Variants in DMD observed in about 807,000 individuals in gnomAD.
DMD encodes the protein dystrophin, also known as mutant dystrophin.
In DMD, 63 loss-of-function variants were observed where a neutral mutation model predicts 330.1. That is an observed-to-expected ratio of 0.19 (90% confidence interval 0.16 to 0.24). The LOEUF (loss-of-function observed/expected upper bound fraction) is 0.24, where lower values mean the gene tolerates loss of function less well. Among genes scored for constraint, DMD ranks in the 10% least tolerant of loss-of-function variants. The pLI is 1.00. For synonymous variants in DMD, 1,223 were observed against 959.8 expected (o/e 1.27, Z -5.07); for missense variants, 3,344 against 2,684.1 (o/e 1.25, Z -5.43).
chrX:32,426,005 C>G (rs2098211371), intron 29 of DMD, among the ~76,000 whole-genome samples: 1 of 111,658 alleles, frequency 9.0e-6, no homozygotes, highest in Admixed American at 9.5e-5. Flanking sequence ...CTTAAAATGT[C>G]AAAGCAAAAC....
intron 1 of DMD, among the ~76,000 whole-genome samples, chrX:33,057,309 T>C (rs2094529595): frequency 8.9e-6 from 1 of 111,962 alleles, no homozygotes; most frequent in Non-Finnish European, 1.9e-5. Context: ...CATCCACTGA[T>C]AGGCAATGGA....
At chrX:31,618,859 C>A (rs770260791) in intron 55 of DMD, among the ~76,000 whole-genome samples, 1 of 110,880 alleles carries the variant, frequency 9.0e-6, no homozygotes, top group Non-Finnish European at 1.9e-5. Context: ...AATCCAAAAT[C>A]TGAAAAAATC....
At chrX:31,916,938 C>T (rs2094615594) in intron 47 of DMD, among the ~76,000 whole-genome samples, 2 of 112,219 alleles carry the variant, frequency 1.8e-5, no homozygotes, top group South Asian at 3.7e-4. Context: ...CTTCTGTGGT[C>T]GGATGAATGT....
chrX:32,539,213 A>G (rs1420627944), intron 17 of DMD, among the ~76,000 whole-genome samples: 2 of 108,050 alleles, frequency 1.9e-5, no homozygotes, highest in Non-Finnish European at 3.8e-5. Context: ...TCTAAAGCGA[A>G]ATTTGAATTT....
At chrX:32,583,155 A>G (rs1448661600) in intron 13 of DMD, among the ~76,000 whole-genome samples, 1 of 112,147 alleles carries the variant, frequency 8.9e-6, no homozygotes, top group Non-Finnish European at 1.9e-5. Flanking sequence ...AGTCTTGAAT[A>G]AAGTCTTTCT....
chrX:32,923,609 T>C (rs1045968165), intron 2 of DMD, among the ~76,000 whole-genome samples: 4 of 111,332 alleles, frequency 3.6e-5, no homozygotes, highest in Non-Finnish European at 7.5e-5. Flanking sequence ...TGCTTTGCTA[T>C]AGGTGTTAAC....
intron 44 of DMD, among the ~76,000 whole-genome samples, chrX:32,137,616 T>G (rs775969374): frequency 7.3e-4 from 79 of 107,900 alleles, no homozygotes; most frequent in African/African-American, 2.6e-3. Context: ...GAAAGTATAG[T>G]TTTTTTTTTC....
intron 1 of DMD, among the ~76,000 whole-genome samples, chrX:33,216,946 G>A (rs1311238926): frequency 9.0e-6 from 1 of 111,436 alleles, no homozygotes; most frequent in Non-Finnish European, 1.9e-5. Context: ...TGGAAGTGCA[G>A]GGTCATTTTC....
chrX:33,023,618 T>A (rs5927128), intron 1 of DMD, among the ~76,000 whole-genome samples: 2 of 110,620 alleles, frequency 1.8e-5, no homozygotes, highest in Non-Finnish European at 3.8e-5. Context: ...ATTTATTCTG[T>A]ATGTTCCTAT....
intron 1 of DMD, among the ~76,000 whole-genome samples, chrX:33,187,282 G>A (rs1420249813): frequency 8.9e-6 from 1 of 112,267 alleles, no homozygotes; most frequent in Admixed American, 9.5e-5. Context: ...TAAACAATTT[G>A]CCCAACATTG....
At chrX:32,440,557 T>G (rs1229873466) in intron 28 of DMD, among the ~76,000 whole-genome samples, 4 of 111,534 alleles carry the variant, frequency 3.6e-5, no homozygotes, top group Non-Finnish European at 7.6e-5. Context: ...TACATATAGA[T>G]AAGTCAAAAG....
intron 67 of DMD, among the ~76,000 whole-genome samples, chrX:31,191,355 T>C (rs1468908777): frequency 2.7e-5 from 3 of 112,054 alleles, no homozygotes; most frequent in Non-Finnish European, 3.8e-5. Context: ...TGGAAAACAT[T>C]GTGGGCAAAC....
intron 62 of DMD, among the ~76,000 whole-genome samples, chrX:31,263,901 A>C (rs1031421900): frequency 1.1e-4 from 12 of 112,448 alleles, no homozygotes; most frequent in Admixed American, 1.0e-3. Context: ...TTGGCAACGT[A>C]GCCAAAAAAC....
intron 63 of DMD, among the ~76,000 whole-genome samples, chrX:31,249,304 C>T (rs932594907): frequency 1.8e-5 from 2 of 111,201 alleles, no homozygotes; most frequent in African/African-American, 6.6e-5. Flanking sequence ...TGCAGTGGTG[C>T]GATCTTGGCT....
At chrX:32,777,277 T>TGGGGGGG (rs546914107) in intron 7 of DMD, among the ~76,000 whole-genome samples, 1 of 2,113 alleles carries the variant, frequency 4.7e-4, no homozygotes, top group Non-Finnish European at 7.0e-4. Context: ...GGTTTCTGGT[T>TGGGGGGG]GGGGGGGGAA....
chrX:32,262,438 T>C (rs1459408039), intron 43 of DMD, among the ~76,000 whole-genome samples: 1 of 111,705 alleles, frequency 9.0e-6, no homozygotes, highest in Admixed American at 9.5e-5. Flanking sequence ...ATAGTTTCAC[T>C]GGTATTTGCA....
chrX:33,068,316 G>C lies in DMD; in HGVS notation c.32-48116C>G, dbSNP rs1385445573. 5.4e-5 allele frequency among the ~76,000 whole-genome samples: 6 copies of C among 111,959 alleles called. No homozygotes were observed. The South Asian group carries it at 1.1e-3, about 21-fold the overall frequency. On this transcript the variant is annotated intron_variant, in intron 1 of 78. Transcript: ENST00000357033. Reference sequence around the variant, plus strand: ...GGTAGTGATTAATTGATCTAGGCTAGAGTAAAGCTGTGGCTGAAATATTTT... The same window carrying C: ...GGTAGTGATTAATTGATCTAGGCTACAGTAAAGCTGTGGCTGAAATATTTT...
At chrX:31,635,942 C>A (rs2079388377) in intron 54 of DMD, among the ~76,000 whole-genome samples, 1 of 111,605 alleles carries the variant, frequency 9.0e-6, no homozygotes, top group Non-Finnish European at 1.9e-5. Context: ...ACTAAATAGT[C>A]AAAAATAACA....
At chrX:31,584,108 A>G (rs1390606659) in intron 55 of DMD, among the ~76,000 whole-genome samples, 1 of 109,246 alleles carries the variant, frequency 9.2e-6, no homozygotes, top group Non-Finnish European at 1.9e-5. Flanking sequence ...TTATGGCTGC[A>G]TAGTATTCCA....
Sources: gnomAD v4.1 joint callset for allele counts (sites outside exome capture counted in the v4.1 genomes callset) on GRCh38, gnomAD v4.1.1 for gene constraint, MANE v1.5 for transcripts, NCBI Gene and HGNC (gene_info 2026-07-23, HGNC 2026-07-21) for gene names.